Variants in CSMD3 observed in about 807,000 individuals in gnomAD.
CSMD3 encodes the protein CUB and Sushi multiple domains 3, also known as CUB and sushi domain-containing protein 3.
In CSMD3, 177 loss-of-function variants were observed where a neutral mutation model predicts 435.2. The ratio of observed to expected loss-of-function variants is 0.41; its 90% CI spans 0.36 to 0.46. The LOEUF is 0.46. Ranked by LOEUF, CSMD3 falls within the 20% of genes least tolerant of loss-of-function variation. The pLI, the probability that CSMD3 is intolerant of heterozygous loss-of-function variation, is 0.34. For missense variants in CSMD3, 4,265 were observed against 4,504.6 expected, an observed-to-expected ratio of 0.95 and a Z score of 1.52; for synonymous variants, 1,656 against 1,520.5, an observed-to-expected ratio of 1.09 and a Z score of -2.07.
rs561845038 is a variant in CSMD3, at chr8:112,514,048, C to T, written c.4756+2986G>A. ...AAGATTCTCTAAAATGATTTTTATTCTATTACTTAAATTATTGTTTTTCTT... is the reference window on the plus strand; with the variant it reads ...AAGATTCTCTAAAATGATTTTTATTTTATTACTTAAATTATTGTTTTTCTT... On this transcript the variant is annotated intron_variant, in intron 28 of 70. Coordinates refer to ENST00000297405, the MANE Select transcript of CSMD3 (RefSeq NM_198123.2). Among the ~76,000 whole-genome samples the T allele has an allele frequency of 3.3e-3, 496 of 151,996 alleles. 9 individuals carry two copies. The highest frequency in any genetic ancestry group is 1.5e-3 in the Non-Finnish European group (104 of 67,980).
intron 22 of CSMD3, among the ~76,000 whole-genome samples, chr8:112,605,607 T>C (rs1196996946): frequency 1.5e-5 from 2 of 135,248 alleles, no homozygotes; most frequent in East Asian, 2.4e-4. Context: ...AAGGGAACAA[T>C]AAACACAAAG....
At chr8:112,601,903 A>G (rs1212732588) in intron 22 of CSMD3, among the ~76,000 whole-genome samples, 1 of 152,208 alleles carries the variant, frequency 6.6e-6, no homozygotes, top group Non-Finnish European at 1.5e-5. Flanking sequence ...AACCATAGGT[A>G]TTAGGGATGT....
intron 1 of CSMD3, among the ~76,000 whole-genome samples, chr8:113,337,248 T>C (rs2094083388): frequency 6.6e-6 from 1 of 152,138 alleles, no homozygotes; most frequent in African/African-American, 2.4e-5. Flanking sequence ...CCCCTACCTC[T>C]CAATATTGGC....
intron 13 of CSMD3, among the ~76,000 whole-genome samples, chr8:112,782,393 A>G (rs1329067830): frequency 1.3e-5 from 2 of 152,070 alleles, no homozygotes; most frequent in South Asian, 2.1e-4. Context: ...ACAGAGTCAG[A>G]GCAGACAAAA....
intron 13 of CSMD3, among the ~76,000 whole-genome samples, chr8:112,753,923 T>C (rs1299809764): frequency 6.6e-6 from 1 of 152,110 alleles, no homozygotes; most frequent in Non-Finnish European, 1.5e-5. Flanking sequence ...AAAAAGAAGT[T>C]AATACAAATT....
intron 27 of CSMD3, among the ~76,000 whole-genome samples, chr8:112,518,606 T>TGG (rs1196924352): frequency 8.2e-6 from 1 of 122,028 alleles, no homozygotes; most frequent in African/African-American, 3.2e-5. Context: ...TTATAAAAAA[T>TGG]GGTGTGTGTG....
intron 67 of CSMD3, among the ~76,000 whole-genome samples, chr8:112,235,332 C>A (rs762206384): frequency 6.6e-6 from 1 of 151,770 alleles, no homozygotes; most frequent in Non-Finnish European, 1.5e-5. Flanking sequence ...TGCAGTGAGC[C>A]GAGATGGCAC....
intron 10 of CSMD3, among the ~76,000 whole-genome samples, chr8:112,882,975 A>G (rs1466627835): frequency 6.6e-6 from 1 of 152,006 alleles, no homozygotes; most frequent in Non-Finnish European, 1.5e-5. Context: ...TTGAGAAGTG[A>G]AATATAAATG....
chr8:112,386,267 G>A (rs1829942558), intron 36 of CSMD3, among the ~76,000 whole-genome samples: 1 of 152,172 alleles, frequency 6.6e-6, no homozygotes, highest in Admixed American at 6.5e-5. Flanking sequence ...TCTGTTGTTT[G>A]TAACTATAAA....
At chr8:112,468,217 C>T (rs1393111021) in intron 32 of CSMD3, among the ~76,000 whole-genome samples, 1 of 150,058 alleles carries the variant, frequency 6.7e-6, no homozygotes, top group Non-Finnish European at 1.5e-5. Context: ...ATTTCATCTC[C>T]TCCAATTGCC....
chr8:112,650,193 T>C lies in CSMD3; in HGVS notation c.3161A>G (p.His1054Arg). The change falls in exon 19 of 71, where the codon CAC becomes CGC. Residue 1054 changes from histidine to arginine, a missense_variant. By Grantham distance (29) the His-to-Arg change is conservative. Coordinates refer to ENST00000297405, the MANE Select transcript of CSMD3 (RefSeq NM_198123.2). ...HEEPLLCEKNHWWSHPLPTCD... is the reference protein window; with the variant it reads ...HEEPLLCEKNRWWSHPLPTCD... The stretch of plus-strand genomic sequence containing the variant: ...GGTTGGAAGTGGATGACTCCACCAG[T>C]GGTTTTTTTCGCATAGAAGGGGCTC... 6.2e-7 allele frequency: 1 copy of C among 1,613,938 alleles called. No homozygotes were observed. The highest frequency in any genetic ancestry group is 1.3e-5 in the African/African-American group (1 of 75,032).
intron 3 of CSMD3, among the ~76,000 whole-genome samples, chr8:113,247,228 G>T (rs770291183): frequency 2.0e-5 from 3 of 152,136 alleles, no homozygotes; most frequent in Non-Finnish European, 2.9e-5. Context: ...ATTGACAAAT[G>T]CCCTGGAGAT....
intron 32 of CSMD3, among the ~76,000 whole-genome samples, chr8:112,460,530 G>T (rs1257380539): frequency 9.5e-6 from 1 of 104,762 alleles, no homozygotes; most frequent in African/African-American, 3.2e-5. Context: ...AGAAGGCATG[G>T]ATTTTTTAGT....
chr8:112,274,280 T>C (rs2130508723), intron 59 of CSMD3, among the ~76,000 whole-genome samples: 1 of 152,126 alleles, frequency 6.6e-6, no homozygotes, highest in Admixed American at 6.5e-5. Context: ...CAAAGCACAG[T>C]GATTCTTGAG....
intron 10 of CSMD3, among the ~76,000 whole-genome samples, chr8:112,896,435 A>T (rs959729929): frequency 6.6e-6 from 1 of 151,428 alleles, no homozygotes; most frequent in Non-Finnish European, 1.5e-5. Flanking sequence ...TAGACTACCA[A>T]GTTTTGAGAT....
At chr8:112,462,392 T>C (rs143271397) in intron 32 of CSMD3, among the ~76,000 whole-genome samples, 106 of 152,338 alleles carry the variant, frequency 7.0e-4, no homozygotes, top group Admixed American at 1.3e-3. Context: ...TAGCTTCATG[T>C]TCCTGCACTA....
intron 1 of CSMD3, among the ~76,000 whole-genome samples, chr8:113,327,892 G>A (rs112623369): frequency 6.6e-6 from 1 of 152,072 alleles, no homozygotes; most frequent in Admixed American, 6.5e-5. Flanking sequence ...TGCTCACAGG[G>A]GGCTTTGAAA....
At chr8:112,908,901 T>G (rs2130513263) in intron 10 of CSMD3, among the ~76,000 whole-genome samples, 1 of 151,686 alleles carries the variant, frequency 6.6e-6, no homozygotes, top group South Asian at 2.1e-4. Flanking sequence ...AGAAATAAAC[T>G]TTAGCTAGAA....
intron 27 of CSMD3, among the ~76,000 whole-genome samples, chr8:112,547,390 A>T (rs1340561787): frequency 3.9e-5 from 6 of 152,104 alleles, no homozygotes; most frequent in African/African-American, 1.2e-4. Flanking sequence ...CTGTACAAAA[A>T]AAAAATAAAA....
Sources: allele counts gnomAD v4.1 joint callset (sites outside exome capture counted in the v4.1 genomes callset), GRCh38; gene constraint gnomAD v4.1.1; transcripts MANE v1.5; gene names NCBI Gene and HGNC (gene_info 2026-07-23, HGNC 2026-07-21).